The following GRIK4 variants were observed in gnomAD, a reference collection of about 807,000 sequenced individuals.
GRIK4 encodes the protein glutamate ionotropic receptor kainate type subunit 4.
In GRIK4, 40 loss-of-function variants were observed where a neutral mutation model predicts 104.9. The observed-to-expected ratio is 0.38, with a 90% CI of 0.30 to 0.50. The LOEUF (loss-of-function observed/expected upper bound fraction) is 0.50, where lower values mean the gene tolerates loss of function less well. GRIK4 is among the 20% of genes least tolerant of loss of function. The probability of loss-of-function intolerance (pLI) is 0.93; values close to 1 mark genes in which losing one functional copy is unlikely to be tolerated. For missense variants in GRIK4, 1,047 were observed against 1,308.1 expected (o/e 0.80, Z 3.08); for synonymous variants, 485 against 524.9 (o/e 0.92, Z 1.04).
At chr11:120,736,156 T>A (rs1951217372) in intron 3 of GRIK4, among the ~76,000 whole-genome samples, 1 of 152,006 alleles carries the variant, frequency 6.6e-6, no homozygotes, top group Admixed American at 6.5e-5. Context: ...AGGTGATGAG[T>A]CCTGCCAGGA....
intron 1 of GRIK4, among the ~76,000 whole-genome samples, chr11:120,540,895 T>C (rs1948027048): frequency 6.6e-6 from 1 of 152,208 alleles, no homozygotes; most frequent in Non-Finnish European, 1.5e-5. Flanking sequence ...GAGGATCTCT[T>C]GAGCCTGGGA....
At chr11:120,917,245 C>T (rs1306279475) in intron 13 of GRIK4, among the ~76,000 whole-genome samples, 1 of 26,904 alleles carries the variant, frequency 3.7e-5, no homozygotes, top group Non-Finnish European at 6.2e-5. Context: ...GAAACTCCGT[C>T]TCAAAAAAAA....
At chr11:120,634,768 G>A (rs1231656499) in intron 1 of GRIK4, among the ~76,000 whole-genome samples, 1 of 152,108 alleles carries the variant, frequency 6.6e-6, no homozygotes, top group Non-Finnish European at 1.5e-5. Flanking sequence ...GACCCTCGTG[G>A]GCAGGAGGGG....
intron 16 of GRIK4, among the ~76,000 whole-genome samples, chr11:120,957,669 C>A (rs1386757489): frequency 6.9e-6 from 1 of 145,716 alleles, no homozygotes; most frequent in East Asian, 2.1e-4. Context: ...TTTTGATCCT[C>A]TCTTAAAAAT....
chr11:120,983,354 C>T (rs944448970), intron 20 of GRIK4, among the ~76,000 whole-genome samples: 2 of 152,206 alleles, frequency 1.3e-5, no homozygotes. Context: ...ACCTCACTCC[C>T]GATTTGGTCC....
intron 3 of GRIK4, among the ~76,000 whole-genome samples, chr11:120,798,697 G>C (rs1952568401): frequency 6.6e-6 from 1 of 152,104 alleles, no homozygotes; most frequent in Admixed American, 6.5e-5. Flanking sequence ...GGCCAGGCTG[G>C]TGTTGAACTC....
chr11:120,697,052 C>A (rs1277527911), intron 3 of GRIK4, among the ~76,000 whole-genome samples: 1 of 152,244 alleles, frequency 6.6e-6, no homozygotes, highest in African/African-American at 2.4e-5. Flanking sequence ...TCTGCCTCCT[C>A]AGCTCATCCT....
intron 14 of GRIK4, among the ~76,000 whole-genome samples, chr11:120,949,329 G>A (rs1160638563): frequency 6.6e-6 from 1 of 152,156 alleles, no homozygotes; most frequent in African/African-American, 2.4e-5. Flanking sequence ...GCTGATTGAT[G>A]GTCAGTCTGA....
Position 120,560,433 on chromosome 11 carries a change from G to A in GRIK4, c.-159+48546G>A, listed in dbSNP as rs552122265. 2.2e-4 allele frequency among the ~76,000 whole-genome samples: 34 copies of A among 152,302 alleles called. 1 individual carries two copies. Among genetic ancestry groups the A allele is most frequent in the Admixed American group, 2.0e-3 (30 of 15,308 alleles). ...CTGGCCACACAGCAGTGCTCTGGGT[G>A]TAGCAGGGAGCCTACACAGTGTCCC... On this transcript the variant is annotated intron_variant, in intron 1 of 20. Transcript: ENST00000527524.
chr11:120,766,486 G>T (rs532635048), intron 3 of GRIK4, among the ~76,000 whole-genome samples: 1 of 152,296 alleles, frequency 6.6e-6, no homozygotes, highest in South Asian at 2.1e-4. Context: ...GGCATTCCAG[G>T]CACCACTGGG....
At chr11:120,761,945 T>C (rs1326061113) in intron 3 of GRIK4, among the ~76,000 whole-genome samples, 1 of 152,214 alleles carries the variant, frequency 6.6e-6, no homozygotes, top group East Asian at 1.9e-4. Flanking sequence ...CTTTTTTGCT[T>C]TCATATTAAA....
chr11:120,630,549 C>T (rs903688703), intron 1 of GRIK4, among the ~76,000 whole-genome samples: 6 of 152,166 alleles, frequency 3.9e-5, no homozygotes, highest in Non-Finnish European at 7.3e-5. Flanking sequence ...AAGCAGACGC[C>T]GGCCTCCTCT....
chr11:120,906,238 T>A (rs966976931), intron 13 of GRIK4, among the ~76,000 whole-genome samples: 2 of 152,238 alleles, frequency 1.3e-5, no homozygotes, highest in African/African-American at 2.4e-5. Context: ...TCACCATCCA[T>A]ATTTCCATAA....
rs187277521 is a variant in GRIK4, at chr11:120,805,358, G to A, written c.247+2501G>A. ...GAAATGAGGGAGCCAAGATTTGCCC[G>A]TCATGGATGGCATCGTTAGCAGATG... On this transcript the variant is annotated intron_variant, in intron 4 of 20. Transcript: ENST00000527524. Among the ~76,000 whole-genome samples the A allele has an allele frequency of 2.6e-5, 4 of 152,260 alleles. No homozygotes were observed. In the East Asian group the frequency reaches 5.8e-4, roughly 22 times the overall value.
chr11:120,910,633 G>A (rs573924348), intron 13 of GRIK4, among the ~76,000 whole-genome samples: 8 of 152,164 alleles, frequency 5.3e-5, no homozygotes, highest in African/African-American at 9.7e-5. Flanking sequence ...CTAATCCCAG[G>A]GGCCCTCTGT....
intron 8 of GRIK4, among the ~76,000 whole-genome samples, chr11:120,845,412 T>C (rs1343002364): frequency 6.6e-6 from 1 of 152,178 alleles, no homozygotes; most frequent in African/African-American, 2.4e-5. Context: ...TAGTAAATAT[T>C]ATTTCCCTTC....
chr11:120,792,932 G>A (rs1033453182), intron 3 of GRIK4, among the ~76,000 whole-genome samples: 2 of 152,140 alleles, frequency 1.3e-5, no homozygotes, highest in African/African-American at 2.4e-5. Flanking sequence ...TGGATGCACC[G>A]TTGTTTAAAG....
At chr11:120,552,587 A>G (rs1271967571) in intron 1 of GRIK4, among the ~76,000 whole-genome samples, 1 of 152,118 alleles carries the variant, frequency 6.6e-6, no homozygotes, top group African/African-American at 2.4e-5. Flanking sequence ...GTAAGTTGAA[A>G]ATGCAAGGAG....
rs1315997542 is a variant in GRIK4, at chr11:120,845,791, T to C, written c.744+8947T>C. The stretch of plus-strand genomic sequence containing the variant: ...AGAGTATCCACATATTTCAGCTTTA[T>C]TGAGCCTTTTAGGAGAACCACTCTG... On this transcript the variant is annotated intron_variant, in intron 8 of 20. Coordinates refer to ENST00000527524, the MANE Select transcript of GRIK4 (RefSeq NM_014619.5). Among the ~76,000 whole-genome samples the C allele has an allele frequency of 1.3e-5, 2 of 152,242 alleles. 1 individual carries two copies. The highest frequency in any genetic ancestry group is 1.3e-4 in the Admixed American group (2 of 15,284).
Sources: allele counts gnomAD v4.1 joint callset (sites outside exome capture counted in the v4.1 genomes callset), GRCh38; gene constraint gnomAD v4.1.1; transcripts MANE v1.5; gene names NCBI Gene and HGNC (gene_info 2026-07-23, HGNC 2026-07-21).